DHX36: variants seen among roughly 807,000 people sequenced by gnomAD.
DHX36 encodes the protein DEAH-box helicase 36, also known as ATP-dependent DNA/RNA helicase DHX36.
Under a neutral mutation model 139.0 loss-of-function variants are expected in DHX36, and 50 were observed. That is an observed-to-expected ratio of 0.36 (90% CI 0.29 to 0.46). The LOEUF (loss-of-function observed/expected upper bound fraction) is 0.46, where lower values mean the gene tolerates loss of function less well. DHX36 is among the 20% of genes least tolerant of loss of function. DHX36 has a pLI of 1.00. For missense variants in DHX36, 1,024 were observed against 1,211.3 expected (o/e 0.85, Z 2.29); for synonymous variants, 425 against 401.9 (o/e 1.06, Z -0.69).
At position 154,293,196 on chromosome 3, in the gene DHX36, C is replaced by T. The variant is rs149829244; in HGVS notation, c.1671-502G>A. 3.9e-5 allele frequency among the ~76,000 whole-genome samples: 6 copies of T among 152,268 alleles called. No homozygotes were observed. In the East Asian group the frequency reaches 9.7e-4, roughly 25 times the overall value. ...GGCGAAAGGACAAAATTTACCTCAG[C>T]TCCCATGCTTCTTTAGGAAAACAAA... On this transcript the variant is annotated intron_variant, in intron 14 of 24. Coordinates refer to ENST00000496811, the MANE Select transcript of DHX36 (RefSeq NM_020865.3).
At position 154,300,384 on chromosome 3, in the gene DHX36, A is replaced by T. The variant is rs377525985; in HGVS notation, c.1461+210T>A. Among the ~76,000 whole-genome samples, 21 of 152,334 alleles carry T rather than the reference A, an allele frequency of 1.4e-4. No homozygotes were observed. The East Asian group carries it at 3.9e-3, about 28-fold the overall frequency. ...CATCCAGCTAAGCTCACTTTTAAAA[A>T]ATGAGATTTATAATCCATATATTTG... is the stretch of plus-strand genomic sequence containing the variant. On this transcript the variant is annotated intron_variant, in intron 11 of 24. Transcript: ENST00000496811.
intron 19 of DHX36, among the ~76,000 whole-genome samples, chr3:154,284,144 G>T (rs1339420973): frequency 6.6e-6 from 1 of 152,010 alleles, no homozygotes; most frequent in Non-Finnish European, 1.5e-5. Context: ...AACATTCTCA[G>T]TAATTTACTC....
chr3:154,285,037 T>G, intron 17 of DHX36, 50 bp from the exon 18 acceptor site: 2 of 1,578,408 alleles, frequency 1.3e-6, no homozygotes, highest in South Asian at 2.3e-5. Flanking sequence ...AGCATTACAT[T>G]TAAAACGATT....
chr3:154,276,583 C>T, intron 24 of DHX36, 164 bp downstream of exon 24: 1 of 847,282 alleles, frequency 1.2e-6, no homozygotes, highest in Non-Finnish European at 1.8e-6. Context: ...GGTCTGTTAC[C>T]ACCTCAAAAC....
chr3:154,314,510 A>C (rs1712887086), intron 3 of DHX36: 1 of 152,608 alleles, frequency 6.6e-6, no homozygotes, highest in Non-Finnish European at 1.5e-5. Flanking sequence ...ACACCCACAA[A>C]TCACACAATT....
intron 9 of DHX36, among the ~76,000 whole-genome samples, chr3:154,302,920 T>C (rs1712356131): frequency 6.6e-6 from 1 of 151,918 alleles, no homozygotes; most frequent in Non-Finnish European, 1.5e-5. Flanking sequence ...CTACTAAAAA[T>C]ACAAAAATTA....
chr3:154,277,735 A>C lies in DHX36; in HGVS notation c.2568-17T>G, dbSNP rs749457068. The C allele has an allele frequency of 2.5e-6, 4 of 1,583,584 alleles. No individual in the cohort carries two copies. In the African/African-American group the frequency reaches 5.4e-5, roughly 21 times the overall value. ...ACTTTTACCCTTTAAAAAAAGTTAA[A>C]ATGCAGTTTGTTAAAAAGAAGTCTT... On this transcript the variant is annotated splice_polypyrimidine_tract_variant and intron_variant, in intron 22 of 24. Coordinates refer to ENST00000496811, the MANE Select transcript of DHX36 (RefSeq NM_020865.3).
chr3:154,304,065 T>C (rs1030289920), intron 8 of DHX36, among the ~76,000 whole-genome samples: 2 of 152,190 alleles, frequency 1.3e-5, no homozygotes, highest in Non-Finnish European at 2.9e-5. Context: ...AGAAGTCTCA[T>C]TTAAAAATAA....
In DHX36 at chr3:154,293,875, A is replaced by G. The variant is rs572246345; in HGVS notation, c.1606-63T>C. The G allele has an allele frequency of 1.1e-4, 131 of 1,181,994 alleles. No homozygotes were observed. The African/African-American group carries it at 1.8e-3, about 16-fold the overall frequency. 73.2% of individuals were successfully genotyped at this position (1,181,994 alleles called of 1,614,324 possible). ...TAACTTCTAATACATTATATTTGTA[A>G]TTAGAGGAATTACCTCAGATACTGT... On this transcript the variant is annotated intron_variant, in intron 13 of 24. Coordinates refer to ENST00000496811, the MANE Select transcript of DHX36 (RefSeq NM_020865.3).
intron 17 of DHX36, 44 bp from the exon 18 acceptor site, chr3:154,285,031 T>C (rs762812336): frequency 2.6e-5 from 42 of 1,594,550 alleles, no homozygotes; most frequent in Non-Finnish European, 3.2e-5. Context: ...CTGTAAAGCA[T>C]TACATTTAAA....
At chr3:154,307,450 G>A (rs892446037) in intron 5 of DHX36, among the ~76,000 whole-genome samples, 1 of 151,976 alleles carries the variant, frequency 6.6e-6, no homozygotes, top group African/African-American at 2.4e-5. Context: ...TAAAAGGAGG[G>A]CAAAAGACAA....
At chr3:154,289,336 T>C (rs1711692903) in intron 16 of DHX36, among the ~76,000 whole-genome samples, 1 of 152,326 alleles carries the variant, frequency 6.6e-6, no homozygotes, top group South Asian at 2.1e-4. Flanking sequence ...AAGTAGTTTA[T>C]AATGAAGGAT....
chr3:154,276,821 T>C lies in DHX36; in HGVS notation c.2767A>G (p.Asn923Asp), dbSNP rs1719163618. The change falls in exon 24 of 25, where the codon AAC becomes GAC. Residue 923 changes from asparagine to aspartate, a missense_variant. Coordinates refer to ENST00000496811, the MANE Select transcript of DHX36 (RefSeq NM_020865.3). Reference protein sequence around the residue: ...FGGDISIQKDNDQETIAVDEW... With the variant: ...FGGDISIQKDDDQETIAVDEW... ...TCTACAGCAATAGTTTCCTGATCGTTATCCTTCTGGATGGAAATGTCACCT... is the reference window on the plus strand; with the variant it reads ...TCTACAGCAATAGTTTCCTGATCGTCATCCTTCTGGATGGAAATGTCACCT... 2 of 1,613,874 alleles carry C rather than the reference T, an allele frequency of 1.2e-6. No individual in the cohort carries two copies. Among genetic ancestry groups the C allele is most frequent in the Non-Finnish European group, 1.7e-6 (2 of 1,179,940 alleles).
intron 12 of DHX36, among the ~76,000 whole-genome samples, chr3:154,297,211 G>A (rs540706134): frequency 6.6e-6 from 1 of 152,254 alleles, no homozygotes; most frequent in Non-Finnish European, 1.5e-5. Flanking sequence ...ACACTTTTCA[G>A]AAAAATGGGA....
chr3:154,318,776 C>G lies in DHX36; in HGVS notation c.244-2613G>C, dbSNP rs1373791600. Among the ~76,000 whole-genome samples the G allele has an allele frequency of 4.6e-5, 7 of 152,064 alleles. No individual in the cohort carries two copies. In the East Asian group the frequency reaches 1.3e-3, roughly 29 times the overall value. ...CAAGTATATAAACAGGAAAGATGAC[C>G]AAAGTATTAAATAAGTCAGTTGTGT... is the stretch of plus-strand genomic sequence containing the variant. On this transcript the variant is annotated intron_variant, in intron 1 of 24. Coordinates refer to ENST00000496811, the MANE Select transcript of DHX36 (RefSeq NM_020865.3).
chr3:154,293,393 C>G (rs1242441077), intron 14 of DHX36, among the ~76,000 whole-genome samples: 2 of 152,070 alleles, frequency 1.3e-5, no homozygotes, highest in Non-Finnish European at 2.9e-5. Context: ...TCAGCCTGGG[C>G]AACATAGTGA....
At chr3:154,292,726 AACACAC>A (rs58416816) in intron 14 of DHX36, 32 bp from the exon 15 acceptor site, 404,908 of 1,503,876 alleles carry the variant, frequency 0.27, 17,918 homozygotes, top group South Asian at 0.34. Context: ...AAAATGTTAA[AACACAC>A]ACACACACAC....
intron 12 of DHX36, among the ~76,000 whole-genome samples, chr3:154,299,365 A>G (rs1407476877): frequency 7.2e-6 from 1 of 139,378 alleles, no homozygotes; most frequent in Admixed American, 6.9e-5. Context: ...AAAATACTCT[A>G]AATTTTATAG....
chr3:154,306,250 C>T lies in DHX36; in HGVS notation c.859G>A (p.Gly287Ser). The change falls in exon 6 of 25, where the codon GGT becomes AGT. Residue 287 changes from glycine to serine, a missense_variant. Physicochemically the swap from Gly to Ser is moderately conservative, Grantham distance 56 (BLOSUM62 0). Coordinates refer to ENST00000496811, the MANE Select transcript of DHX36 (RefSeq NM_020865.3). ...CGAATTTGATATCCAGTACTATTAC[C>T]ACTGCCACAAGATTCTGCCCTTTCT... ...AAERAESCGS[G>S]NSTGYQIRLQ... 6 of 1,613,588 alleles carry T rather than the reference C, an allele frequency of 3.7e-6. No homozygotes were observed. The highest frequency in any genetic ancestry group is 5.1e-6 in the Non-Finnish European group (6 of 1,179,798).
Sources: allele counts gnomAD v4.1 joint callset (sites outside exome capture counted in the v4.1 genomes callset), GRCh38; gene constraint gnomAD v4.1.1; transcripts MANE v1.5; gene names NCBI Gene and HGNC (gene_info 2026-07-23, HGNC 2026-07-21).